RRP12: variants seen among roughly 807,000 people sequenced by gnomAD.
RRP12 encodes the protein ribosomal RNA processing 12 homolog.
A neutral mutation model predicts 157.3 loss-of-function variants in RRP12; 78 were observed. That is an observed-to-expected ratio of 0.50 (90% CI 0.41 to 0.60). The LOEUF is 0.60. Ranked by LOEUF, RRP12 falls within the 20% of genes least tolerant of loss-of-function variation. RRP12 has a pLI of 0.00. For synonymous variants in RRP12, 726 were observed against 670.9 expected (o/e 1.08, Z -1.27); for missense variants, 1,521 against 1,679.9 (o/e 0.91, Z 1.65).
rs753076423 is a variant in RRP12 at position 97,370,607 on chromosome 10, C to T, written c.2584-47G>A. On this transcript the variant is annotated intron_variant, in intron 22 of 33. Coordinates refer to ENST00000370992, the MANE Select transcript of RRP12 (RefSeq NM_015179.4). ...GCATCTGCTCCCTGAGCCATCTGCC[C>T]GGGAAGCGAATCGAGTCCTCCCACT... The T allele has an allele frequency of 9.4e-6, 15 of 1,589,730 alleles. No homozygotes were observed. In the East Asian group the frequency reaches 1.8e-4, roughly 19 times the overall value.
At chr10:97,360,345 C>T (rs987821843) in intron 31 of RRP12, among the ~76,000 whole-genome samples, 4 of 152,148 alleles carry the variant, frequency 2.6e-5, no homozygotes, top group African/African-American at 7.2e-5. Flanking sequence ...GATCTCCTAA[C>T]CCATAGGCTC....
chr10:97,381,970 G>T (rs1340340646), intron 10 of RRP12, 144 bp from the exon 11 acceptor site: 11 of 605,782 alleles, frequency 1.8e-5, no homozygotes, highest in Non-Finnish European at 2.7e-5. Flanking sequence ...TCTGGTGGGT[G>T]GTTTTTAAAA....
intron 21 of RRP12, 51 bp downstream of exon 21, chr10:97,370,872 C>T (rs765540467): frequency 1.2e-6 from 2 of 1,611,112 alleles, no homozygotes; most frequent in East Asian, 2.2e-5. Flanking sequence ...GGCTCCTTTC[C>T]TGGTGTTGCC....
rs758016081 is a variant in RRP12, at chr10:97,372,140, G to A, written c.2276C>T (p.Ala759Val). The A allele has an allele frequency of 1.4e-5, 23 of 1,613,606 alleles. No homozygotes were observed. Among genetic ancestry groups the A allele is most frequent in the Non-Finnish European group, 1.9e-5 (23 of 1,179,908 alleles). The change falls in exon 20 of 34, where the codon GCC (alanine) becomes GTC (valine). Residue 759 changes from alanine to valine, a missense_variant. Ala to Val is a moderately conservative substitution (Grantham distance 64, BLOSUM62 0). Coordinates refer to ENST00000370992, the MANE Select transcript of RRP12 (RefSeq NM_015179.4). The stretch of plus-strand genomic sequence containing the variant: ...AGCTTCGTCAGCACACGGAGCCAAG[G>A]CCACGACCAGGTCCAGGACAGACAA... ...TRLSVLDLVV[A>V]LAPCADEAAI...
intron 9 of RRP12, 93 bp from the exon 10 acceptor site, chr10:97,385,350 T>C: frequency 2.1e-6 from 2 of 975,430 alleles, no homozygotes; most frequent in Non-Finnish European, 3.2e-6. Context: ...AGCAATGTCC[T>C]GGGGACAGTG....
chr10:97,390,424 T>C lies in RRP12; in HGVS notation c.752A>G (p.Lys251Arg). Residue 251 changes from lysine (K) to arginine (R), a missense_variant and splice_region_variant, in exon 6 of 34, where the codon AAG becomes AGG. Physicochemically the swap from Lys to Arg is conservative, Grantham distance 26. Coordinates refer to ENST00000370992, the MANE Select transcript of RRP12 (RefSeq NM_015179.4). ...TTTCTAGGGAGCTAGTAGTCTCACC[T>C]TGGGCTTGGGATGCACCGTGAAGCT... Reference protein sequence around the residue: ...LLSFTVHPKPKIRKAAQHGVC... With the variant: ...LLSFTVHPKPRIRKAAQHGVC... The C allele has an allele frequency of 1.2e-6, 2 of 1,611,520 alleles. No individual in the cohort carries two copies. Among genetic ancestry groups the C allele is most frequent in the Non-Finnish European group, 1.7e-6 (2 of 1,177,772 alleles).
At position 97,357,086 on chromosome 10, in the gene RRP12, C is replaced by A. The variant is rs778800038; in HGVS notation, c.*8G>T. ...CTGGACCACAGGGCAGCCCAGGGGCCCTGGGCCTCAGGGTCGACGATCCTT... is the reference window on the plus strand; with the variant it reads ...CTGGACCACAGGGCAGCCCAGGGGCACTGGGCCTCAGGGTCGACGATCCTT... On this transcript the variant is annotated 3_prime_UTR_variant, in exon 34 of 34. Coordinates refer to ENST00000370992, the MANE Select transcript of RRP12 (RefSeq NM_015179.4). The A allele has an allele frequency of 2.0e-5, 32 of 1,590,614 alleles. No homozygotes were observed. In the East Asian group the frequency reaches 6.9e-4, roughly 35 times the overall value.
intron 24 of RRP12, among the ~76,000 whole-genome samples, chr10:97,369,795 A>G (rs1389979292): frequency 6.6e-6 from 1 of 152,148 alleles, no homozygotes; most frequent in Non-Finnish European, 1.5e-5. Flanking sequence ...CATTTTAGAG[A>G]TAAGAAACTG....
intron 25 of RRP12, among the ~76,000 whole-genome samples, chr10:97,368,804 C>T (rs1424874924): frequency 6.6e-6 from 1 of 152,190 alleles, no homozygotes; most frequent in Non-Finnish European, 1.5e-5. Context: ...GAACCCAAGG[C>T]CAGACCCAAA....
chr10:97,381,652 G>T, intron 11 of RRP12, 63 bp downstream of exon 11: 1 of 1,447,096 alleles, frequency 6.9e-7, no homozygotes, highest in South Asian at 1.2e-5. Context: ...CCAGTGCTGG[G>T]AAAGACAGGG....
chr10:97,391,440 G>A (rs950429533), intron 4 of RRP12, among the ~76,000 whole-genome samples: 1 of 151,926 alleles, frequency 6.6e-6, no homozygotes, highest in Non-Finnish European at 1.5e-5. Context: ...GCGTGATGGC[G>A]CCCGCCTGTA....
intron 19 of RRP12, 36 bp downstream of exon 19, chr10:97,372,700 T>C (rs1486786896): frequency 6.5e-7 from 1 of 1,532,222 alleles, no homozygotes; most frequent in Non-Finnish European, 8.9e-7. Context: ...CTCCCTGGGC[T>C]GCTCCAGCTC....
intron 33 of RRP12, among the ~76,000 whole-genome samples, chr10:97,357,837 T>G (rs1002596822): frequency 6.6e-6 from 1 of 151,776 alleles, no homozygotes; most frequent in Non-Finnish European, 1.5e-5. Context: ...CGGGTGCCTG[T>G]AGTCCCAGCT....
At chr10:97,372,464 T>G (rs1844183736) in intron 19 of RRP12, among the ~76,000 whole-genome samples, 1 of 152,130 alleles carries the variant, frequency 6.6e-6, no homozygotes, top group South Asian at 2.1e-4. Flanking sequence ...AATGGATAAG[T>G]AATTTGTCCA....
At chr10:97,381,330 T>C in intron 12 of RRP12, 56 bp downstream of exon 12, 2 of 1,307,672 alleles carry the variant, frequency 1.5e-6, no homozygotes, top group Non-Finnish European at 2.1e-6. Context: ...TCGTATTATA[T>C]AGAACTTTCC....
At chr10:97,373,549 C>T (rs758233283) in intron 17 of RRP12, 26 bp downstream of exon 17, 28 of 1,568,756 alleles carry the variant, frequency 1.8e-5, no homozygotes, top group Admixed American at 7.1e-5. Flanking sequence ...TCCTCCCCAG[C>T]CCCCACTCCC....
At chr10:97,384,993 T>C (rs1242252374) in intron 10 of RRP12, among the ~76,000 whole-genome samples, 173 bp downstream of exon 10, 1 of 126,992 alleles carries the variant, frequency 7.9e-6, no homozygotes, top group Non-Finnish European at 1.6e-5. Flanking sequence ...ACAGAGGCCC[T>C]GAGGAACCCC....
At chr10:97,390,577 C>T (rs760040414) in intron 5 of RRP12, 38 bp from the exon 6 acceptor site, 2 of 1,534,472 alleles carry the variant, frequency 1.3e-6, no homozygotes, top group South Asian at 1.1e-5. Flanking sequence ...CCACCAGCCT[C>T]GGCCAGGAGG....
chr10:97,369,113 A>T (rs941056079), intron 25 of RRP12, among the ~76,000 whole-genome samples: 5 of 151,618 alleles, frequency 3.3e-5, no homozygotes, highest in Non-Finnish European at 7.4e-5. Context: ...TCTGAGTCCC[A>T]TGATCTGGAA....
Sources: gnomAD v4.1 joint callset for allele counts (sites outside exome capture counted in the v4.1 genomes callset) on GRCh38, gnomAD v4.1.1 for gene constraint, MANE v1.5 for transcripts, NCBI Gene and HGNC (gene_info 2026-07-23, HGNC 2026-07-21) for gene names.